SYT6: variants seen among roughly 807,000 people sequenced by gnomAD.
SYT6 encodes the protein synaptotagmin 6, also known as synaptotagmin-6.
SYT6 carries 24 observed loss-of-function variants against 38.4 expected under a neutral mutation model. That is an observed-to-expected ratio of 0.62 (90% CI 0.45 to 0.88). The LOEUF (loss-of-function observed/expected upper bound fraction) is 0.88. Among genes scored for constraint, SYT6 ranks in the 40% least tolerant of loss-of-function variants. SYT6 has a pLI of 0.00. For missense variants in SYT6, 611 were observed against 621.0 expected (o/e 0.98, Z 0.17); for synonymous variants, 265 against 241.9 (o/e 1.10, Z -0.89).
At chr1:114,138,109 G>T (rs573449817) in intron 2 of SYT6, 56 bp from the exon 3 acceptor site, 3 of 1,523,494 alleles carry the variant, frequency 2.0e-6, no homozygotes, top group South Asian at 1.3e-5. Context: ...GGGGAAGGGG[G>T]ATGAAGGCAA....
At chr1:114,097,913 A>G in intron 5 of SYT6, 36 bp from the exon 6 acceptor site, 1 of 1,609,372 alleles carries the variant, frequency 6.2e-7, no homozygotes, top group Non-Finnish European at 8.5e-7. Context: ...ACTGGCTACC[A>G]GACATGCCCT....
At chr1:114,136,913 A>G (rs112962570) in intron 3 of SYT6, among the ~76,000 whole-genome samples, 1 of 91,186 alleles carries the variant, frequency 1.1e-5, no homozygotes, top group Non-Finnish European at 2.6e-5. Flanking sequence ...TGGAAGTGAC[A>G]TGTGTCACTT....
chr1:114,104,099 C>T (rs1289941577), intron 3 of SYT6, among the ~76,000 whole-genome samples: 1 of 152,190 alleles, frequency 6.6e-6, no homozygotes, highest in African/African-American at 2.4e-5. Context: ...CAGTCACTGA[C>T]CCCCTTGACT....
chr1:114,103,495 T>C, intron 4 of SYT6, 106 bp downstream of exon 4: 2 of 1,472,336 alleles, frequency 1.4e-6, no homozygotes, highest in Non-Finnish European at 1.8e-6. Context: ...CCAGAGCTGG[T>C]GCTTCTATTC....
Position 114,137,483 on chromosome 1 carries a change from G to T in SYT6, c.1071+12C>A, listed in dbSNP as rs1310430501. 7 of 1,609,246 alleles carry T rather than the reference G, an allele frequency of 4.3e-6. No individual in the cohort carries two copies. The African/African-American group carries it at 8.0e-5, about 18-fold the overall frequency. On this transcript the variant is annotated intron_variant, in intron 3 of 7. Transcript: ENST00000610222. Reference sequence around the variant, plus strand: ...AAATCCTCAAGAAGCCAAGGAACAGGGCTGTACTTACACTTGTGGCATATT... The same window carrying T: ...AAATCCTCAAGAAGCCAAGGAACAGTGCTGTACTTACACTTGTGGCATATT...
intron 3 of SYT6, among the ~76,000 whole-genome samples, chr1:114,131,072 CAGG>C (rs1309882663): frequency 6.6e-6 from 1 of 152,094 alleles, no homozygotes; most frequent in Non-Finnish European, 1.5e-5. Flanking sequence ...AATTTCATTT[CAGG>C]AGGCCTGCCT....
chr1:114,147,364 A>G (rs1679206814), intron 1 of SYT6, among the ~76,000 whole-genome samples: 1 of 152,250 alleles, frequency 6.6e-6, no homozygotes, highest in African/African-American at 2.4e-5. Context: ...TTCTTGAAAA[A>G]TTTCTTGAAA....
In SYT6 at chr1:114,137,991, T is replaced by A. The variant is rs748426897; in HGVS notation, c.575A>T (p.Asn192Ile). The change falls in exon 3 of 8, where the codon AAT becomes ATT. Residue 192 changes from asparagine to isoleucine, a missense_variant. Transcript: ENST00000610222. ...CTGCTCTGCTGCTGGTGGAAGCTCA[T>A]TGCCATAGTCTACACTGGAGACATG... ...QMHVSSVDYG[N>I]ELPPAAEQPT... 6.2e-7 allele frequency: 1 copy of A among 1,613,968 alleles called. No individual in the cohort carries two copies. The highest frequency in any genetic ancestry group is 8.5e-7 in the Non-Finnish European group (1 of 1,180,002).
chr1:114,112,690 A>G (rs1676757265), intron 3 of SYT6, among the ~76,000 whole-genome samples: 1 of 152,232 alleles, frequency 6.6e-6, no homozygotes, highest in Non-Finnish European at 1.5e-5. Flanking sequence ...CGAGGACCTC[A>G]CTTCAGATCT....
intron 6 of SYT6, among the ~76,000 whole-genome samples, chr1:114,094,007 T>G (rs1007226925): frequency 6.6e-6 from 1 of 152,142 alleles, no homozygotes; most frequent in African/African-American, 2.4e-5. Context: ...CTTCCCTGAG[T>G]AAGCATGCCA....
intron 2 of SYT6, among the ~76,000 whole-genome samples, chr1:114,138,479 G>T (rs1275684900): frequency 6.6e-6 from 1 of 152,140 alleles, no homozygotes; most frequent in African/African-American, 2.4e-5. Context: ...ATCACCATTT[G>T]TTAAGCATTT....
At chr1:114,133,286 G>A (rs1381216764) in intron 3 of SYT6, among the ~76,000 whole-genome samples, 1 of 152,146 alleles carries the variant, frequency 6.6e-6, no homozygotes, top group African/African-American at 2.4e-5. Context: ...CATATTTATG[G>A]CCCCAGTTAC....
intron 6 of SYT6, among the ~76,000 whole-genome samples, chr1:114,096,128 A>G (rs1756014): frequency 0.06 from 9,173 of 152,210 alleles, 442 homozygotes; most frequent in African/African-American, 0.12. Context: ...TGGGGCTGTC[A>G]TGACCTCTCC....
At chr1:114,147,520 A>G (rs1186582994) in intron 1 of SYT6, among the ~76,000 whole-genome samples, 1 of 152,216 alleles carries the variant, frequency 6.6e-6, no homozygotes, top group Non-Finnish European at 1.5e-5. Context: ...GAAAACAGCT[A>G]TGGAACTAGG....
intron 3 of SYT6, among the ~76,000 whole-genome samples, chr1:114,118,666 C>G (rs575941327): frequency 1.3e-5 from 2 of 152,326 alleles, no homozygotes; most frequent in East Asian, 3.9e-4. Flanking sequence ...GCTGTCCCCG[C>G]GGCTCAGGTT....
At chr1:114,150,389 T>C (rs1679384075) in intron 1 of SYT6, among the ~76,000 whole-genome samples, 1 of 152,212 alleles carries the variant, frequency 6.6e-6, no homozygotes, top group Non-Finnish European at 1.5e-5. Context: ...TATCATCTCC[T>C]TGGGTTCTAA....
At chr1:114,131,625 G>A (rs1010186339) in intron 3 of SYT6, among the ~76,000 whole-genome samples, 3 of 152,172 alleles carry the variant, frequency 2.0e-5, no homozygotes, top group Admixed American at 2.0e-4. Flanking sequence ...TTGTCAGCCT[G>A]GGCACCCTGA....
At chr1:114,127,867 G>A (rs1677835753) in intron 3 of SYT6, among the ~76,000 whole-genome samples, 3 of 152,196 alleles carry the variant, frequency 2.0e-5, no homozygotes, top group Non-Finnish European at 4.4e-5. Flanking sequence ...CAGGCCCAGG[G>A]GAGCATGGGG....
chr1:114,110,001 G>C (rs80185211), intron 3 of SYT6, among the ~76,000 whole-genome samples: 1 of 152,234 alleles, frequency 6.6e-6, no homozygotes, highest in Admixed American at 6.5e-5. Context: ...TGACAGCATG[G>C]TGATGACAGG....
Sources: gnomAD v4.1 joint callset for allele counts (sites outside exome capture counted in the v4.1 genomes callset) on GRCh38, gnomAD v4.1.1 for gene constraint, MANE v1.5 for transcripts, NCBI Gene and HGNC (gene_info 2026-07-23, HGNC 2026-07-21) for gene names.